Variants in ATR observed in about 807,000 individuals in gnomAD.
The protein encoded by ATR is serine/threonine-protein kinase ATR.
In ATR, 142 loss-of-function variants were observed where a neutral mutation model predicts 305.3. The ratio of observed to expected loss-of-function variants is 0.47; its 90% CI spans 0.41 to 0.53. ATR has a LOEUF of 0.53. Ranked by LOEUF, ATR falls within the 20% of genes least tolerant of loss-of-function variation. The pLI is 0.00. For synonymous variants in ATR, 1,050 were observed against 1,068.1 expected (o/e 0.98, Z 0.33); for missense variants, 2,135 against 3,133.1 (o/e 0.68, Z 7.60).
At chr3:142,541,723 A>G (rs2034058406) in intron 17 of ATR, among the ~76,000 whole-genome samples, 1 of 152,208 alleles carries the variant, frequency 6.6e-6, no homozygotes, top group Non-Finnish European at 1.5e-5. Flanking sequence ...CCCTTAGAAT[A>G]GCAATTGGGG....
At chr3:142,452,998 G>T in intron 46 of ATR, 130 bp downstream of exon 46, 2 of 1,529,274 alleles carry the variant, frequency 1.3e-6, no homozygotes, top group Non-Finnish European at 1.8e-6. Flanking sequence ...CTAGATTTCA[G>T]AGTAATCAAT....
At chr3:142,560,576 T>G in intron 5 of ATR, 122 bp from the exon 6 acceptor site, 1 of 817,848 alleles carries the variant, frequency 1.2e-6, no homozygotes, top group Non-Finnish European at 1.9e-6. Context: ...TTTTTTTTTT[T>G]GTGAGACAGA....
Position 142,513,566 on chromosome 3 carries a change from T to C in ATR, c.4576A>G (p.Ile1526Val), listed in dbSNP as rs34124242. The C allele has an allele frequency of 8.6e-4, 1,388 of 1,613,310 alleles. 6 individuals carry two copies. The highest frequency in any genetic ancestry group is 4.5e-4 in the South Asian group (41 of 91,058). ...IMMKHDFKVTIYLLPHILVYV... is the reference protein window; with the variant it reads ...IMMKHDFKVTVYLLPHILVYV... Reference sequence around the variant, plus strand: ...ACCAGAATATGTGGAAGAAGATAGATGGTCACTTTGAAATCATGCTTCATC... The same window carrying C: ...ACCAGAATATGTGGAAGAAGATAGACGGTCACTTTGAAATCATGCTTCATC... The change falls in exon 26 of 47, where the codon ATC (isoleucine) becomes GTC (valine). Residue 1526 changes from isoleucine to valine, a missense_variant. By Grantham distance (29) the Ile-to-Val change is conservative. Around this residue, in one of 9 missense-constraint regions of ATR, gnomAD observed 202 missense variants for 252.9 expected, o/e 0.80. Coordinates refer to ENST00000350721, the MANE Select transcript of ATR (RefSeq NM_001184.4).
chr3:142,468,159 T>C, intron 38 of ATR, 91 bp from the exon 39 acceptor site: 1 of 1,448,360 alleles, frequency 6.9e-7, no homozygotes. Flanking sequence ...ACTTAAAAAG[T>C]ATTCATGATG....
chr3:142,524,728 A>G (rs890513409), intron 21 of ATR, among the ~76,000 whole-genome samples: 12 of 152,204 alleles, frequency 7.9e-5, no homozygotes, highest in African/African-American at 2.9e-4. Context: ...GATATAAAAA[A>G]GGGTTCTGTG....
chr3:142,554,982 C>T (rs992837154), intron 10 of ATR, among the ~76,000 whole-genome samples: 1 of 150,378 alleles, frequency 6.6e-6, no homozygotes, highest in Non-Finnish European at 1.5e-5. Flanking sequence ...ATGCCTGTAA[C>T]CCCAGCACTT....
intron 10 of ATR, 120 bp from the exon 11 acceptor site, chr3:142,554,135 G>T: frequency 1.2e-6 from 1 of 841,220 alleles, no homozygotes. Flanking sequence ...TAATGTCAAT[G>T]TTTCATATTT....
At chr3:142,531,717 T>C (rs1249469647) in intron 21 of ATR, among the ~76,000 whole-genome samples, 5 of 152,312 alleles carry the variant, frequency 3.3e-5, no homozygotes, top group Middle Eastern at 3.4e-3. Context: ...AATAAACATA[T>C]GTGTGCATGT....
chr3:142,504,848 C>T (rs1333556881), intron 29 of ATR, among the ~76,000 whole-genome samples: 1 of 152,096 alleles, frequency 6.6e-6, no homozygotes, highest in Non-Finnish European at 1.5e-5. Flanking sequence ...AAATATTTTC[C>T]AGACACTCAG....
At chr3:142,481,731 C>T (rs1167369573) in intron 36 of ATR, among the ~76,000 whole-genome samples, 1 of 152,158 alleles carries the variant, frequency 6.6e-6, no homozygotes, top group Non-Finnish European at 1.5e-5. Flanking sequence ...CTCAAGCAAT[C>T]CTTCCATTTC....
intron 25 of ATR, 54 bp from the exon 26 acceptor site, chr3:142,513,692 T>C: frequency 1.3e-6 from 2 of 1,549,880 alleles, no homozygotes; most frequent in Non-Finnish European, 1.8e-6. Context: ...TGATTAAATG[T>C]CAAAGAGTAG....
chr3:142,519,309 T>C (rs576123187), intron 24 of ATR, among the ~76,000 whole-genome samples: 54 of 152,188 alleles, frequency 3.5e-4, no homozygotes, highest in South Asian at 8.3e-4. Flanking sequence ...ATTAATTTTT[T>C]TTTTTTTTTC....
intron 35 of ATR, among the ~76,000 whole-genome samples, chr3:142,485,920 T>G (rs905623137): frequency 7.9e-5 from 12 of 152,212 alleles, no homozygotes; most frequent in African/African-American, 2.9e-4. Context: ...ATCCAAGAGA[T>G]ATTTTACAAC....
chr3:142,523,898 T>TA, intron 22 of ATR, 95 bp downstream of exon 22: 1 of 1,295,704 alleles, frequency 7.7e-7, no homozygotes, highest in African/African-American at 1.5e-5. Context: ...GTGAAGCTTT[T>TA]ATTAAGGATA....
intron 36 of ATR, among the ~76,000 whole-genome samples, chr3:142,475,610 C>A (rs570975249): frequency 6.6e-6 from 1 of 152,278 alleles, no homozygotes; most frequent in South Asian, 2.1e-4. Flanking sequence ...TGGGTATATA[C>A]CCAGTAATGG....
At chr3:142,523,335 G>A (rs763779533) in intron 22 of ATR, among the ~76,000 whole-genome samples, 5 of 151,930 alleles carry the variant, frequency 3.3e-5, no homozygotes, top group Non-Finnish European at 7.4e-5. Flanking sequence ...CAGGACAATC[G>A]CTTGAATCCA....
At chr3:142,543,308 G>C (rs891672913) in intron 16 of ATR, among the ~76,000 whole-genome samples, 1 of 151,930 alleles carries the variant, frequency 6.6e-6, no homozygotes. Flanking sequence ...TGACGCTTTA[G>C]GTTTCCTGAA....
At chr3:142,481,987 T>A (rs563430534) in intron 36 of ATR, among the ~76,000 whole-genome samples, 1 of 152,092 alleles carries the variant, frequency 6.6e-6, no homozygotes, top group East Asian at 1.9e-4. Flanking sequence ...CATGCCTGGA[T>A]AATTTTTGTA....
intron 36 of ATR, among the ~76,000 whole-genome samples, chr3:142,482,231 T>C (rs1461479294): frequency 6.6e-6 from 1 of 152,210 alleles, no homozygotes; most frequent in African/African-American, 2.4e-5. Flanking sequence ...AGGGCAAACA[T>C]TGATATTTAA....
Sources: allele counts gnomAD v4.1 joint callset (sites outside exome capture counted in the v4.1 genomes callset), GRCh38; gene constraint gnomAD v4.1.1; regional missense constraint gnomAD v4.1.1; transcripts MANE v1.5; gene names NCBI Gene and HGNC (gene_info 2026-07-23, HGNC 2026-07-21).